Variants in CERS6 observed in about 807,000 individuals in gnomAD.
CERS6 encodes the protein ceramide synthase 6.
In CERS6, 26 loss-of-function variants were observed where a neutral mutation model predicts 56.8. That is an observed-to-expected ratio of 0.46 (90% CI 0.34 to 0.63). CERS6 has a LOEUF of 0.63. Ranked by LOEUF, CERS6 falls within the 30% of genes least tolerant of loss-of-function variation. The pLI is 0.01. For missense variants in CERS6, 415 were observed against 467.5 expected (o/e 0.89, Z 1.04); for synonymous variants, 164 against 173.3 (o/e 0.95, Z 0.42).
At chr2:168,494,580 C>T (rs1449821621) in intron 1 of CERS6, among the ~76,000 whole-genome samples, 3 of 152,096 alleles carry the variant, frequency 2.0e-5, no homozygotes, top group African/African-American at 7.2e-5. Flanking sequence ...CAGCCCTTTC[C>T]AGTGAGCTGA....
rs186377029 is a variant in CERS6 at position 168,501,340 on chromosome 2, G to T, written c.170+44722G>T. On this transcript the variant is annotated intron_variant, in intron 1 of 9. Transcript: ENST00000305747. ...ATTTGATAAGGCTGTTTCCAGTGGG[G>T]CTGGAGGGAGTCTTTTAACTGATAC... 1.9e-3 allele frequency among the ~76,000 whole-genome samples: 297 copies of T among 152,332 alleles called. 1 individual carries two copies. The highest frequency in any genetic ancestry group is 3.2e-3 in the Non-Finnish European group (217 of 68,034).
At chr2:168,530,492 T>C (rs533499670) in intron 1 of CERS6, among the ~76,000 whole-genome samples, 3 of 152,356 alleles carry the variant, frequency 2.0e-5, no homozygotes, top group South Asian at 2.1e-4. Context: ...ATACATACCA[T>C]GCAATTGTTC....
intron 1 of CERS6, among the ~76,000 whole-genome samples, chr2:168,539,600 C>CA (rs1695329312): frequency 6.6e-6 from 1 of 152,212 alleles, no homozygotes. Flanking sequence ...TATGCCTGCT[C>CA]ACTCAGGCAC....
intron 1 of CERS6, among the ~76,000 whole-genome samples, chr2:168,492,642 G>C (rs1231881098): frequency 6.6e-6 from 1 of 152,096 alleles, no homozygotes; most frequent in Non-Finnish European, 1.5e-5. Flanking sequence ...GTCGATTTTG[G>C]CTTTTGTTGC....
intron 1 of CERS6, among the ~76,000 whole-genome samples, chr2:168,536,895 A>C (rs1244156895): frequency 1.3e-5 from 2 of 152,138 alleles, no homozygotes; most frequent in African/African-American, 4.8e-5. Flanking sequence ...CACTGCTTTT[A>C]AAATTCACAA....
chr2:168,467,091 CTTA>C (rs1191668080), intron 1 of CERS6, among the ~76,000 whole-genome samples: 1 of 152,154 alleles, frequency 6.6e-6, no homozygotes, highest in Non-Finnish European at 1.5e-5. Flanking sequence ...TTCCTCCTTT[CTTA>C]TTATTACTGA....
intron 4 of CERS6, among the ~76,000 whole-genome samples, chr2:168,647,287 G>A (rs2105313242): frequency 6.6e-6 from 1 of 152,242 alleles, no homozygotes; most frequent in Non-Finnish European, 1.5e-5. Context: ...TAGCAGTTGT[G>A]AATAGGATTG....
intron 1 of CERS6, among the ~76,000 whole-genome samples, chr2:168,486,670 C>T (rs1694282248): frequency 6.6e-6 from 1 of 151,940 alleles, no homozygotes; most frequent in Admixed American, 6.6e-5. Context: ...CTCTATACTG[C>T]CTTACTTTTT....
At chr2:168,689,209 A>T (rs541842754) in intron 4 of CERS6, among the ~76,000 whole-genome samples, 1 of 152,328 alleles carries the variant, frequency 6.6e-6, no homozygotes, top group African/African-American at 2.4e-5. Context: ...TGGTGAGAGG[A>T]TAAACATGCA....
chr2:168,587,359 C>T (rs1359446822), intron 3 of CERS6, among the ~76,000 whole-genome samples: 1 of 152,132 alleles, frequency 6.6e-6, no homozygotes, highest in East Asian at 1.9e-4. Flanking sequence ...GAGATCATAT[C>T]CTGTGGTAGT....
chr2:168,631,816 TTATATATTATATAA>T (rs1160754760), intron 4 of CERS6, among the ~76,000 whole-genome samples: 97 of 125,506 alleles, frequency 7.7e-4, no homozygotes, highest in South Asian at 1.9e-3. Context: ...ATATAATTTA[TTATATATTATATAA>T]TATATATTAT....
At chr2:168,574,398 GTGTGTGTGTGTGTGTGTC>G (rs1335129268) in intron 3 of CERS6, among the ~76,000 whole-genome samples, 11 of 42,440 alleles carry the variant, frequency 2.6e-4, no homozygotes, top group Admixed American at 9.0e-4. Flanking sequence ...GTGTGTGTGT[GTGTGTGTGTGTGTGTGTC>G]AAGCATTTAC....
At chr2:168,580,181 A>G (rs1683374187) in intron 3 of CERS6, among the ~76,000 whole-genome samples, 1 of 151,846 alleles carries the variant, frequency 6.6e-6, no homozygotes, top group African/African-American at 2.4e-5. Flanking sequence ...CAGTCCGGAC[A>G]CATTTGTTTT....
At chr2:168,511,216 A>C (rs1206734943) in intron 1 of CERS6, among the ~76,000 whole-genome samples, 6 of 152,108 alleles carry the variant, frequency 3.9e-5, no homozygotes, top group Non-Finnish European at 5.9e-5. Context: ...TTCTCCTTTC[A>C]TGATTTAATT....
At chr2:168,592,568 C>T (rs1683697882) in intron 3 of CERS6, among the ~76,000 whole-genome samples, 1 of 151,828 alleles carries the variant, frequency 6.6e-6, no homozygotes, top group African/African-American at 2.4e-5. Context: ...GGTGTGGTGC[C>T]CTGCAGAATT....
At chr2:168,749,434 T>A (rs1171664804) in intron 8 of CERS6, among the ~76,000 whole-genome samples, 9 of 152,200 alleles carry the variant, frequency 5.9e-5, no homozygotes. Context: ...TTCCCTGGCC[T>A]CCTGTCTTCT....
Position 168,715,076 on chromosome 2 carries a change from C to T in CERS6, c.685C>T (p.Arg229Ter), listed in dbSNP as rs372323865. 1.9e-6 allele frequency: 3 copies of T among 1,612,636 alleles called. No homozygotes were observed. The highest frequency in any genetic ancestry group is 2.5e-6 in the Non-Finnish European group (3 of 1,179,240). ...CTTTTCATATGTCAACAATATGGCC[C>T]GAGTAGGAACGCTGGTCCTTTGTCT... ...ITFSYVNNMA[R>*]VGTLVLCLHD... Residue 229 changes from arginine to a stop codon, truncating the protein, a stop_gained, in exon 7 of 10, where the codon CGA (arginine) becomes TGA (stop). Coordinates refer to ENST00000305747, the MANE Select transcript of CERS6 (RefSeq NM_203463.3). LOFTEE classifies it high-confidence loss of function.
At chr2:168,763,143 C>T (rs1171014929) in intron 8 of CERS6, among the ~76,000 whole-genome samples, 1 of 152,052 alleles carries the variant, frequency 6.6e-6, no homozygotes, top group Non-Finnish European at 1.5e-5. Context: ...CCCCAAAGTG[C>T]TGGGATTACA....
chr2:168,648,021 C>A (rs1685246354), intron 4 of CERS6, among the ~76,000 whole-genome samples: 1 of 152,100 alleles, frequency 6.6e-6, no homozygotes, highest in Admixed American at 6.6e-5. Context: ...TGATTGCTGG[C>A]CTCATAGATT....
Sources: gnomAD v4.1 joint callset for allele counts (sites outside exome capture counted in the v4.1 genomes callset) on GRCh38, gnomAD v4.1.1 for gene constraint, MANE v1.5 for transcripts, NCBI Gene and HGNC (gene_info 2026-07-23, HGNC 2026-07-21) for gene names.